Variants in SNTG1 observed in about 807,000 individuals in gnomAD.
The protein encoded by SNTG1 is syntrophin gamma 1.
SNTG1 carries 39 observed loss-of-function variants against 74.7 expected under a neutral mutation model. The ratio of observed to expected loss-of-function variants is 0.52; its 90% CI spans 0.40 to 0.68. SNTG1 has a LOEUF of 0.68. Ranked by LOEUF, SNTG1 falls within the 30% of genes least tolerant of loss-of-function variation. SNTG1 has a pLI of 0.00. For synonymous variants in SNTG1, 254 were observed against 217.1 expected (o/e 1.17, Z -1.49); for missense variants, 685 against 609.5 (o/e 1.12, Z -1.30).
At chr8:50,346,005 C>G (rs1489595679) in intron 2 of SNTG1, among the ~76,000 whole-genome samples, 1 of 151,970 alleles carries the variant, frequency 6.6e-6, no homozygotes, top group East Asian at 1.9e-4. Context: ...AATATTTGAT[C>G]TTCTTTCATT....
intron 1 of SNTG1, among the ~76,000 whole-genome samples, chr8:49,987,427 A>T (rs1432054110): frequency 6.6e-6 from 1 of 152,156 alleles, no homozygotes; most frequent in East Asian, 1.9e-4. Context: ...TACACCTAAA[A>T]AGAGTCTTCT....
chr8:50,375,050 C>T lies in SNTG1; in HGVS notation c.-27-19162C>T, dbSNP rs560611314. Among the ~76,000 whole-genome samples, 4 of 152,292 alleles carry T rather than the reference C, an allele frequency of 2.6e-5. No individual in the cohort carries two copies. In the East Asian group the frequency reaches 7.7e-4, roughly 29 times the overall value. ...AATGTCTGCCAGAGTAACATTTAAACAACATGTGTCTGCAGGCTAGATTTG... is the reference window on the plus strand; with the variant it reads ...AATGTCTGCCAGAGTAACATTTAAATAACATGTGTCTGCAGGCTAGATTTG... On this transcript the variant is annotated intron_variant, in intron 2 of 18. Coordinates refer to ENST00000642720, the MANE Select transcript of SNTG1 (RefSeq NM_018967.5).
At chr8:50,235,110 G>A (rs145144693) in intron 2 of SNTG1, among the ~76,000 whole-genome samples, 288 of 152,190 alleles carry the variant, frequency 1.9e-3, no homozygotes, top group African/African-American at 6.6e-3. Flanking sequence ...ATCAAAAGGA[G>A]TTGAAATCAG....
chr8:50,226,893 C>T (rs993234763), intron 2 of SNTG1, among the ~76,000 whole-genome samples: 1 of 152,122 alleles, frequency 6.6e-6, no homozygotes, highest in Admixed American at 6.6e-5. Flanking sequence ...TGACTCTTTT[C>T]ATCAACAGTA....
chr8:50,521,410 A>C (rs2094178534), intron 9 of SNTG1, among the ~76,000 whole-genome samples: 1 of 152,190 alleles, frequency 6.6e-6, no homozygotes, highest in Non-Finnish European at 1.5e-5. Context: ...CAGAACTTAA[A>C]GTACAATAAA....
chr8:50,584,786 T>C (rs888532869), intron 12 of SNTG1, among the ~76,000 whole-genome samples: 3 of 152,100 alleles, frequency 2.0e-5, no homozygotes, highest in African/African-American at 7.2e-5. Context: ...ATACCAGTCT[T>C]CTTACTGTGA....
intron 18 of SNTG1, among the ~76,000 whole-genome samples, chr8:50,775,809 ATATT>A (rs1463693469): frequency 6.6e-6 from 1 of 151,630 alleles, no homozygotes; most frequent in Admixed American, 6.6e-5. Flanking sequence ...TGATGCATAC[ATATT>A]TAGAGTTGAT....
At chr8:50,227,162 G>A (rs35186672) in intron 2 of SNTG1, among the ~76,000 whole-genome samples, 85,990 of 151,976 alleles carry the variant, frequency 0.57, 28,080 homozygotes, top group East Asian at 0.84. Flanking sequence ...TTTGGAGATC[G>A]ACAGTCAAGA....
At chr8:49,952,161 A>T (rs1235370762) in intron 1 of SNTG1, among the ~76,000 whole-genome samples, 1 of 152,188 alleles carries the variant, frequency 6.6e-6, no homozygotes, top group Non-Finnish European at 1.5e-5. Flanking sequence ...GTTTGTCTTC[A>T]TTCACATAAC....
At chr8:50,035,560 T>A (rs1463235908) in intron 1 of SNTG1, among the ~76,000 whole-genome samples, 1 of 152,206 alleles carries the variant, frequency 6.6e-6, no homozygotes, top group African/African-American at 2.4e-5. Flanking sequence ...ACTTCTCACC[T>A]TAGTGTGAAA....
chr8:49,925,276 C>T (rs1806919995), intron 1 of SNTG1, among the ~76,000 whole-genome samples: 1 of 152,180 alleles, frequency 6.6e-6, no homozygotes, highest in Admixed American at 6.5e-5. Flanking sequence ...AGGTTGCAGA[C>T]ATAAATTTCT....
At chr8:50,720,083 G>C (rs1006667026) in intron 17 of SNTG1, among the ~76,000 whole-genome samples, 2 of 152,098 alleles carry the variant, frequency 1.3e-5, no homozygotes, top group Non-Finnish European at 2.9e-5. Flanking sequence ...ATGCATTCCT[G>C]TTCTATTATG....
chr8:50,082,538 C>T (rs986125455), intron 1 of SNTG1, among the ~76,000 whole-genome samples: 10 of 152,036 alleles, frequency 6.6e-5, no homozygotes, highest in African/African-American at 2.2e-4. Context: ...TGGCTTCCTA[C>T]GTAACTGGTC....
At chr8:49,960,823 C>G (rs1002446688) in intron 1 of SNTG1, among the ~76,000 whole-genome samples, 1 of 152,072 alleles carries the variant, frequency 6.6e-6, no homozygotes, top group Non-Finnish European at 1.5e-5. Context: ...ATGCATCCTG[C>G]CCTCCTCCTC....
intron 1 of SNTG1, among the ~76,000 whole-genome samples, chr8:50,165,784 G>A (rs937526255): frequency 1.3e-5 from 2 of 152,056 alleles, no homozygotes; most frequent in Non-Finnish European, 2.9e-5. Flanking sequence ...ATAACCAATG[G>A]GCATTACTAG....
intron 2 of SNTG1, among the ~76,000 whole-genome samples, chr8:50,208,054 T>A (rs1341486414): frequency 6.6e-6 from 1 of 152,176 alleles, no homozygotes; most frequent in African/African-American, 2.4e-5. Context: ...TGGTTTGGGG[T>A]GGAGAGTTCT....
At chr8:50,075,900 A>T (rs1279180062) in intron 1 of SNTG1, among the ~76,000 whole-genome samples, 3 of 152,188 alleles carry the variant, frequency 2.0e-5, no homozygotes, top group Non-Finnish European at 4.4e-5. Context: ...ACGTCAGAAC[A>T]TCAGAAGGAA....
intron 8 of SNTG1, among the ~76,000 whole-genome samples, chr8:50,494,379 TACC>T (rs945402287): frequency 2.0e-5 from 3 of 152,018 alleles, no homozygotes; most frequent in Non-Finnish European, 4.4e-5. Flanking sequence ...TTATTTATAC[TACC>T]ACATCTGCCT....
In SNTG1 at chr8:50,210,320, G is replaced by T. The variant is rs886260553; in HGVS notation, c.-28+37685G>T. Among the ~76,000 whole-genome samples the T allele has an allele frequency of 6.6e-5, 10 of 152,294 alleles. No homozygotes were observed. The South Asian group carries it at 1.0e-3, about 16-fold the overall frequency. ...AAACACTCTTCAGGATATTATCCAG[G>T]AGAACTTCCCCAACCTAGCAAGGCA... is the stretch of plus-strand genomic sequence containing the variant. On this transcript the variant is annotated intron_variant, in intron 2 of 18. Coordinates refer to ENST00000642720, the MANE Select transcript of SNTG1 (RefSeq NM_018967.5).
Sources: allele counts gnomAD v4.1 joint callset (sites outside exome capture counted in the v4.1 genomes callset), GRCh38; gene constraint gnomAD v4.1.1; transcripts MANE v1.5; gene names NCBI Gene and HGNC (gene_info 2026-07-23, HGNC 2026-07-21).